The following SNAP23 variants were observed in gnomAD, a reference collection of about 807,000 sequenced individuals.
The protein encoded by SNAP23 is synaptosomal-associated protein 23.
Under a neutral mutation model 29.0 loss-of-function variants are expected in SNAP23, and 11 were observed. The ratio of observed to expected loss-of-function variants is 0.38; its 90% CI spans 0.24 to 0.63. The LOEUF (loss-of-function observed/expected upper bound fraction) is 0.63, where lower values mean the gene tolerates loss of function less well. SNAP23 is among the 20% of genes least tolerant of loss of function. The probability of loss-of-function intolerance (pLI) is 0.58; values close to 1 mark genes in which losing one functional copy is unlikely to be tolerated. For synonymous variants in SNAP23, 60 were observed against 82.9 expected (o/e 0.72, Z 1.50); for missense variants, 220 against 253.9 (o/e 0.87, Z 0.91).
intron 1 of SNAP23, among the ~76,000 whole-genome samples, chr15:42,508,853 C>G (rs1413270431): frequency 2.0e-5 from 3 of 152,140 alleles, no homozygotes; most frequent in African/African-American, 7.2e-5. Flanking sequence ...GAATGTCTCC[C>G]GACCCACAGG....
chr15:42,525,451 CTTTTTTTTTTT>C (rs1158969519), intron 5 of SNAP23, among the ~76,000 whole-genome samples: 65 of 47,186 alleles, frequency 1.4e-3, no homozygotes, highest in South Asian at 8.4e-3. Context: ...ATCCAGTCTT[CTTTTTTTTTTT>C]TTTTTTTTTT....
intron 4 of SNAP23, 61 bp downstream of exon 4, chr15:42,513,508 A>C: frequency 2.2e-6 from 3 of 1,348,902 alleles, no homozygotes; most frequent in Non-Finnish European, 3.2e-6. Flanking sequence ...GCCCTATCAA[A>C]TTAGCCACAT....
At chr15:42,493,294 A>ACACC (rs1371151586), upstream of SNAP23, among the ~76,000 whole-genome samples, 1 of 151,942 alleles carries the variant, frequency 6.6e-6, no homozygotes, top group Non-Finnish European at 1.5e-5. Flanking sequence ...AGCTGACATC[A>ACACC]CACCATTGCA....
intron 7 of SNAP23, among the ~76,000 whole-genome samples, chr15:42,530,646 A>G (rs374033543): frequency 6.6e-6 from 1 of 152,164 alleles, no homozygotes; most frequent in Non-Finnish European, 1.5e-5. Flanking sequence ...GTTACTCGGG[A>G]GGCTGAGGCA....
chr15:42,506,041 G>C (rs1461047979), intron 1 of SNAP23, among the ~76,000 whole-genome samples: 1 of 150,062 alleles, frequency 6.7e-6, no homozygotes, highest in Non-Finnish European at 1.5e-5. Flanking sequence ...TCCCTCCCGG[G>C]TTCAAACGAT....
At chr15:42,499,868 G>T (rs2057253523) in intron 1 of SNAP23, among the ~76,000 whole-genome samples, 1 of 152,276 alleles carries the variant, frequency 6.6e-6, no homozygotes, top group East Asian at 1.9e-4. Flanking sequence ...GATTAGGGCC[G>T]GGCGGTGGTT....
chr15:42,522,975 A>G (rs1404972082), intron 5 of SNAP23, among the ~76,000 whole-genome samples: 1 of 150,918 alleles, frequency 6.6e-6, no homozygotes, highest in Non-Finnish European at 1.5e-5. Flanking sequence ...CTCACGAGTA[A>G]CTGGGATTAC....
At chr15:42,499,924 G>A (rs763500546) in intron 1 of SNAP23, among the ~76,000 whole-genome samples, 19 of 152,250 alleles carry the variant, frequency 1.2e-4, no homozygotes, top group Non-Finnish European at 2.4e-4. Flanking sequence ...CAGGAGGATC[G>A]CTTGAGCCCA....
chr15:42,512,525 T>C (rs2057365520), intron 2 of SNAP23, among the ~76,000 whole-genome samples: 1 of 151,956 alleles, frequency 6.6e-6, no homozygotes, highest in Non-Finnish European at 1.5e-5. Context: ...ATTATAGGTG[T>C]GTGCCACCAC....
intron 5 of SNAP23, among the ~76,000 whole-genome samples, chr15:42,525,054 C>T (rs916269637): frequency 1.3e-5 from 2 of 152,138 alleles, no homozygotes; most frequent in Admixed American, 6.6e-5. Flanking sequence ...AACATGCCAA[C>T]ACAATGCAAA....
At position 42,502,002 on chromosome 15, in the gene SNAP23, G is replaced by C. The variant is rs1054726665; in HGVS notation, c.-15+6289G>C. 3.3e-5 allele frequency among the ~76,000 whole-genome samples: 5 copies of C among 151,932 alleles called. 1 individual carries two copies. In the South Asian group the frequency reaches 6.3e-4, roughly 19 times the overall value. On this transcript the variant is annotated intron_variant, in intron 1 of 7. Transcript: ENST00000249647. The stretch of plus-strand genomic sequence containing the variant: ...TTTTCTGTTGGGGGTATCCTTTCCA[G>C]GGACGTGAGTGCTTATATTCTCTCT...
intron 1 of SNAP23, 64 bp from the exon 2 acceptor site, chr15:42,511,767 TCA>T (rs761863343): frequency 9.9e-6 from 9 of 910,828 alleles, no homozygotes; most frequent in Non-Finnish European, 1.5e-5. Flanking sequence ...CACTTTTTGC[TCA>T]CACAAACTTT....
In SNAP23 at chr15:42,531,516, G is replaced by A. The variant is rs766344395; in HGVS notation, c.*38G>A. On this transcript the variant is annotated 3_prime_UTR_variant, in exon 8 of 8. Coordinates refer to ENST00000249647, the MANE Select transcript of SNAP23 (RefSeq NM_003825.4). ...TCTTCTTTATCATTTATTCACTTCC[G>A]TAGCTCCTCCTTGAAAGTTATTACC... 10 of 1,479,782 alleles carry A rather than the reference G, an allele frequency of 6.8e-6. No individual in the cohort carries two copies. The highest frequency in any genetic ancestry group is 2.4e-5 in the South Asian group (2 of 83,280). 91.7% of individuals were successfully genotyped at this position (1,479,782 alleles called of 1,614,324 possible).
chr15:42,520,632 C>T (rs560960190), intron 5 of SNAP23, among the ~76,000 whole-genome samples: 1 of 152,092 alleles, frequency 6.6e-6, no homozygotes, highest in East Asian at 2.0e-4. Flanking sequence ...GTAGCTGGGA[C>T]TACAGGCGCC....
chr15:42,528,190 A>G, intron 5 of SNAP23, 72 bp from the exon 6 acceptor site: 1 of 1,303,534 alleles, frequency 7.7e-7, no homozygotes, highest in South Asian at 1.2e-5. Flanking sequence ...CCTCAAGGTA[A>G]CAGGCACTAA....
intron 5 of SNAP23, among the ~76,000 whole-genome samples, chr15:42,518,293 C>T (rs2057414527): frequency 2.0e-5 from 3 of 152,158 alleles, no homozygotes; most frequent in Non-Finnish European, 2.9e-5. Flanking sequence ...ATAACCATAA[C>T]ATGAGCTTCT....
chr15:42,520,758 T>C (rs1056656441), intron 5 of SNAP23, among the ~76,000 whole-genome samples: 1 of 152,168 alleles, frequency 6.6e-6, no homozygotes, highest in African/African-American at 2.4e-5. Context: ...CCTCCCAAAG[T>C]GTTGGGATTA....
chr15:42,506,547 C>A (rs2057318554), intron 1 of SNAP23, among the ~76,000 whole-genome samples: 2 of 152,190 alleles, frequency 1.3e-5, no homozygotes, highest in African/African-American at 2.4e-5. Flanking sequence ...CAATAGACTT[C>A]TTTTCATTTT....
intron 1 of SNAP23, chr15:42,505,747 G>A (rs1170887205): frequency 1.3e-5 from 2 of 151,084 alleles, no homozygotes; most frequent in African/African-American, 4.9e-5. Context: ...GTAGAGACGG[G>A]GTTTCACCAT....
Sources: allele counts gnomAD v4.1 joint callset (sites outside exome capture counted in the v4.1 genomes callset), GRCh38; gene constraint gnomAD v4.1.1; transcripts MANE v1.5; gene names NCBI Gene and HGNC (gene_info 2026-07-23, HGNC 2026-07-21).